Variants in UPF2 observed in about 807,000 individuals in gnomAD.
UPF2 encodes the protein regulator of nonsense transcripts 2.
UPF2 carries 17 observed loss-of-function variants against 141.4 expected under a neutral mutation model. The ratio of observed to expected loss-of-function variants is 0.12; its 90% CI spans 0.08 to 0.18. The LOEUF is 0.18. UPF2 is among the 10% of genes least tolerant of loss of function. The pLI is 1.00. For synonymous variants in UPF2, 540 were observed against 498.0 expected, an observed-to-expected ratio of 1.08 and a Z score of -1.12; for missense variants, 1,152 against 1,515.9, an observed-to-expected ratio of 0.76 and a Z score of 3.99.
chr10:12,041,009 C>T (rs781705218), intron 1 of UPF2, among the ~76,000 whole-genome samples: 3 of 152,176 alleles, frequency 2.0e-5, no homozygotes, highest in Non-Finnish European at 4.4e-5. Flanking sequence ...AGCTAGTTTC[C>T]GTGGCTGGAC....
intron 2 of UPF2, among the ~76,000 whole-genome samples, chr10:12,034,783 C>T (rs551645687): frequency 3.5e-4 from 53 of 152,128 alleles, no homozygotes; most frequent in African/African-American, 1.2e-3. Flanking sequence ...CCAGTCTGGG[C>T]GACTGAGCAA....
chr10:12,007,708 G>A (rs1423255197), intron 4 of UPF2, among the ~76,000 whole-genome samples: 1 of 151,722 alleles, frequency 6.6e-6, no homozygotes, highest in Non-Finnish European at 1.5e-5. Flanking sequence ...GCAGGCACCT[G>A]TAGTCCCAGC....
intron 1 of UPF2, among the ~76,000 whole-genome samples, chr10:12,036,644 T>C (rs1448991831): frequency 6.6e-6 from 1 of 152,238 alleles, no homozygotes; most frequent in African/African-American, 2.4e-5. Context: ...AAAAATATAT[T>C]TCTCTACTCA....
intron 19 of UPF2, among the ~76,000 whole-genome samples, chr10:11,932,041 C>G (rs1366588426): frequency 6.6e-6 from 1 of 151,842 alleles, no homozygotes; most frequent in Non-Finnish European, 1.5e-5. Flanking sequence ...CCCAGCTACC[C>G]GGGAGGCTGA....
chr10:11,970,801 G>A (rs1170649026), intron 9 of UPF2, among the ~76,000 whole-genome samples: 1 of 151,968 alleles, frequency 6.6e-6, no homozygotes, highest in Non-Finnish European at 1.5e-5. Context: ...GACAGAGTGA[G>A]ACTCTAACTC....
Position 12,035,299 on chromosome 10 carries a change from T to C in UPF2, c.125A>G (p.Lys42Arg). 7.4e-6 allele frequency: 12 copies of C among 1,614,168 alleles called. No homozygotes were observed. Among genetic ancestry groups the C allele is most frequent in the African/African-American group, 1.3e-5 (1 of 75,048 alleles). Residue 42 changes from lysine (K) to arginine (R), a missense_variant, in exon 2 of 22, where the codon AAG (lysine) becomes AGG (arginine). Physicochemically the swap from Lys to Arg is conservative, Grantham distance 26. Coordinates refer to ENST00000357604, the MANE Select transcript of UPF2 (RefSeq NM_015542.4). ...GCTGACCTCCTTCTTGGCAGTGAGC[T>C]TGATATCGTCTTTTGGCCTCTCCTT... Reference protein sequence around the residue: ...SSKERPKDDIKLTAKKEVSKA... With the variant: ...SSKERPKDDIRLTAKKEVSKA...
At chr10:11,981,613 T>C (rs1300781236) in intron 8 of UPF2, among the ~76,000 whole-genome samples, 3 of 152,228 alleles carry the variant, frequency 2.0e-5, no homozygotes, top group African/African-American at 7.2e-5. Flanking sequence ...TGCTGTCACA[T>C]GGAAAATGCA....
chr10:11,936,107 C>T lies in UPF2; in HGVS notation c.3546+438G>A, dbSNP rs889895039. Among the ~76,000 whole-genome samples the T allele has an allele frequency of 2.0e-5, 3 of 152,154 alleles. No homozygotes were observed. The highest frequency in any genetic ancestry group is 6.5e-5 in the Admixed American group (1 of 15,272). On this transcript the variant is annotated intron_variant, in intron 19 of 21. Transcript: ENST00000357604. The surrounding 1 kb of genome is among the most constrained non-coding windows in gnomAD (Gnocchi z 6.6). ...ATAAGGGGCCAAGTGCAGTTGCTCA[C>T]GCCTATAATCCAAGCACTTTGGGAG...
rs1167167900 is a variant in UPF2, at chr10:11,931,318, C to G, written c.3688+323G>C. Among the ~76,000 whole-genome samples, 1 of 152,144 alleles carries G rather than the reference C, an allele frequency of 6.6e-6. No homozygotes were observed. The highest frequency in any genetic ancestry group is 1.5e-5 in the Non-Finnish European group (1 of 68,016). ...GCCTAATGTCACATTTTTTAGAATG[C>G]ATCCCTGTCATTAAGCAAGGCATAC... is the stretch of plus-strand genomic sequence containing the variant. On this transcript the variant is annotated intron_variant, in intron 20 of 21. Transcript: ENST00000357604. The surrounding 1 kb of genome is among the most constrained non-coding windows in gnomAD (Gnocchi z 5.9).
chr10:11,929,515 T>C (rs959267187), intron 21 of UPF2, among the ~76,000 whole-genome samples: 10 of 152,154 alleles, frequency 6.6e-5, no homozygotes, highest in African/African-American at 2.2e-4. Context: ...TGCATGCCTA[T>C]AGTCCCAGCT....
chr10:11,971,863 A>G (rs1833423496), intron 9 of UPF2, among the ~76,000 whole-genome samples: 1 of 152,070 alleles, frequency 6.6e-6, no homozygotes, highest in Non-Finnish European at 1.5e-5. Flanking sequence ...CAGGAGTTTG[A>G]GATCAGCCTG....
At chr10:12,010,458 A>G (rs537837923) in intron 4 of UPF2, among the ~76,000 whole-genome samples, 1 of 152,346 alleles carries the variant, frequency 6.6e-6, no homozygotes, top group Non-Finnish European at 1.5e-5. Flanking sequence ...TGACTTCTCT[A>G]AATGGAATTA....
At chr10:12,039,445 G>A (rs539731882) in intron 1 of UPF2, among the ~76,000 whole-genome samples, 1 of 152,230 alleles carries the variant, frequency 6.6e-6, no homozygotes, top group East Asian at 1.9e-4. Flanking sequence ...AACATATGGG[G>A]ACAATTTAAT....
intron 21 of UPF2, among the ~76,000 whole-genome samples, chr10:11,929,641 AAAAAAT>A (rs776358785): frequency 7.9e-5 from 12 of 152,210 alleles, no homozygotes; most frequent in East Asian, 1.9e-4. Context: ...ACCTTGTCTC[AAAAAAT>A]AAAAATAAAA....
chr10:11,921,735 C>T lies in UPF2; in HGVS notation c.3810-428G>A, dbSNP rs913885990. Reference sequence around the variant, plus strand: ...GACAACTGTAGTGCTTTTTTGAGAGCATTCATGCTCTCTACTGAGCTACAA... The same window carrying T: ...GACAACTGTAGTGCTTTTTTGAGAGTATTCATGCTCTCTACTGAGCTACAA... On this transcript the variant is annotated intron_variant, in intron 21 of 21. Transcript: ENST00000357604. The surrounding 1 kb of genome is among the most constrained non-coding windows in gnomAD (Gnocchi z 5.9). Among the ~76,000 whole-genome samples, 5 of 152,076 alleles carry T rather than the reference C, an allele frequency of 3.3e-5. No individual in the cohort carries two copies. Among genetic ancestry groups the T allele is most frequent in the African/African-American group, 1.2e-4 (5 of 41,404 alleles).
intron 16 of UPF2, among the ~76,000 whole-genome samples, chr10:11,943,582 T>C (rs534021785): frequency 1.2e-4 from 19 of 152,322 alleles, no homozygotes; most frequent in African/African-American, 4.8e-5. Context: ...AAAGCAGTGA[T>C]ACAGCATTAC....
rs560520654 is a variant in UPF2 at position 11,995,608 on chromosome 10, C to A, written c.1844+2064G>T. On this transcript the variant is annotated intron_variant, in intron 8 of 21. Transcript: ENST00000357604. The stretch of plus-strand genomic sequence containing the variant: ...GATCAGCCTGGCCAACAGGGTGAAA[C>A]CCCATCTCTACTAAAAATATAAAAA... Among the ~76,000 whole-genome samples the A allele has an allele frequency of 2.6e-5, 4 of 152,222 alleles. No individual in the cohort carries two copies. The South Asian group carries it at 8.3e-4, about 32-fold the overall frequency.
chr10:11,925,905 G>A (rs1259765258), intron 21 of UPF2, among the ~76,000 whole-genome samples: 1 of 152,330 alleles, frequency 6.6e-6, no homozygotes, highest in African/African-American at 2.4e-5. Context: ...TACAAGCCAC[G>A]AGGAGCCATT....
At chr10:12,000,115 G>A (rs1406023404) in intron 6 of UPF2, 106 bp from the exon 7 acceptor site, 4 of 913,072 alleles carry the variant, frequency 4.4e-6, no homozygotes, top group Non-Finnish European at 6.6e-6. Context: ...ACCAATTTTT[G>A]TGCCCAGGAA....
Sources: gnomAD v4.1 joint callset for allele counts (sites outside exome capture counted in the v4.1 genomes callset) on GRCh38, gnomAD v4.1.1 for gene constraint, Gnocchi (gnomAD v3.1) non-coding constraint, MANE v1.5 for transcripts, NCBI Gene and HGNC (gene_info 2026-07-23, HGNC 2026-07-21) for gene names.